The following GABBR2 variants were observed in gnomAD, a reference collection of about 807,000 sequenced individuals.
GABBR2 encodes the protein gamma-aminobutyric acid type B receptor subunit 2.
GABBR2 carries 23 observed loss-of-function variants against 105.6 expected under a neutral mutation model. The observed-to-expected ratio is 0.22, with a 90% CI of 0.16 to 0.31. The LOEUF is 0.31. Among genes scored for constraint, GABBR2 ranks in the 10% least tolerant of loss-of-function variants. GABBR2 has a pLI of 1.00. For missense variants in GABBR2, 734 were observed against 1,245.5 expected (o/e 0.59, Z 6.18); for synonymous variants, 478 against 499.7 (o/e 0.96, Z 0.58).
intron 1 of GABBR2, among the ~76,000 whole-genome samples, chr9:98,642,979 A>G (rs1388790657): frequency 2.6e-5 from 4 of 152,144 alleles, no homozygotes; most frequent in South Asian, 2.1e-4. Flanking sequence ...CATCATAAGC[A>G]TTCTTCCAGG....
At chr9:98,683,106 TC>T (rs1830570390) in intron 1 of GABBR2, among the ~76,000 whole-genome samples, 2 of 151,692 alleles carry the variant, frequency 1.3e-5, no homozygotes, top group South Asian at 2.1e-4. Flanking sequence ...CCCCTCCACC[TC>T]CCCCGAGACG....
At chr9:98,332,397 G>A (rs1215347520) in intron 13 of GABBR2, among the ~76,000 whole-genome samples, 1 of 152,168 alleles carries the variant, frequency 6.6e-6, no homozygotes, top group Non-Finnish European at 1.5e-5. Context: ...CCTTCTATGT[G>A]CCAGGCTCAG....
intron 11 of GABBR2, among the ~76,000 whole-genome samples, chr9:98,380,797 C>A (rs1423045669): frequency 6.6e-6 from 1 of 152,222 alleles, no homozygotes; most frequent in African/African-American, 2.4e-5. Context: ...CGCACTCACA[C>A]ACGCACCCAC....
At chr9:98,338,890 G>T (rs28564647) in intron 13 of GABBR2, among the ~76,000 whole-genome samples, 34,476 of 152,164 alleles carry the variant, frequency 0.23, 4,462 homozygotes, top group African/African-American at 0.33. Flanking sequence ...AAATATCTAT[G>T]AAATGTTGAA....
rs1050090762 is a variant in GABBR2 at position 98,303,549 on chromosome 9, G to A, written c.2230-126C>T. 15 of 810,662 alleles carry A rather than the reference G, an allele frequency of 1.9e-5. No individual in the cohort carries two copies. In the African/African-American group the frequency reaches 2.6e-4, roughly 14 times the overall value. 50.2% of individuals were successfully genotyped at this position (810,662 alleles called of 1,614,324 possible). ...ATAAGAGGCCCCAGGAAAGCCACAGGCTGGGAGTCAGGAGACCTAGGCTCA... is the reference window on the plus strand; with the variant it reads ...ATAAGAGGCCCCAGGAAAGCCACAGACTGGGAGTCAGGAGACCTAGGCTCA... On this transcript the variant is annotated intron_variant, in intron 15 of 18. Transcript: ENST00000259455.
intron 1 of GABBR2, among the ~76,000 whole-genome samples, chr9:98,631,363 T>C (rs897406732): frequency 3.9e-5 from 6 of 152,320 alleles, no homozygotes; most frequent in African/African-American, 1.4e-4. Flanking sequence ...AATAAAACTT[T>C]CTATCTTATT....
chr9:98,544,454 A>G (rs1828364586), intron 2 of GABBR2, among the ~76,000 whole-genome samples: 1 of 152,240 alleles, frequency 6.6e-6, no homozygotes, highest in Non-Finnish European at 1.5e-5. Context: ...GATCCAACAG[A>G]GAGACACCCC....
chr9:98,444,873 G>A (rs934766695), intron 7 of GABBR2, among the ~76,000 whole-genome samples: 3 of 97,924 alleles, frequency 3.1e-5, no homozygotes, highest in Admixed American at 1.0e-4. Flanking sequence ...GCACATGCGC[G>A]CGCGCGCACA....
chr9:98,536,258 T>A (rs768634559), intron 3 of GABBR2, among the ~76,000 whole-genome samples: 4 of 152,148 alleles, frequency 2.6e-5, no homozygotes, highest in Non-Finnish European at 5.9e-5. Context: ...TAAGCTCACA[T>A]CCTAGAATCC....
rs1431508126 is a variant in GABBR2 at position 98,708,523 on chromosome 9, C to T, written c.215G>A (p.Ser72Asn). Reference sequence around the variant, plus strand: ...GGCGGGGAGCACACCGCGCCCGATGCTGCCCTTGGCCACCTCCTTGGTGAG... The same window carrying T: ...GGCGGGGAGCACACCGCGCCCGATGTTGCCCTTGGCCACCTCCTTGGTGAG... ...MPLTKEVAKG[S>N]IGRGVLPAVE... Residue 72 changes from serine to asparagine, a missense_variant, in exon 1 of 19, where the codon AGC becomes AAC. Ser to Asn is a conservative substitution (Grantham distance 46). This residue lies in a region of GABBR2 where 370 missense variants were observed against 648.9 expected (regional missense o/e 0.57). Transcript: ENST00000259455. The T allele has an allele frequency of 6.3e-7, 1 of 1,598,092 alleles. No homozygotes were observed. The highest frequency in any genetic ancestry group is 8.5e-7 in the Non-Finnish European group (1 of 1,175,290).
intron 18 of GABBR2, among the ~76,000 whole-genome samples, chr9:98,290,969 T>G (rs1394261186): frequency 6.6e-6 from 1 of 152,124 alleles, no homozygotes; most frequent in African/African-American, 2.4e-5. Context: ...CAGGGAGACT[T>G]GAATAAACAA....
At chr9:98,657,541 G>T (rs968237861) in intron 1 of GABBR2, among the ~76,000 whole-genome samples, 1 of 152,188 alleles carries the variant, frequency 6.6e-6, no homozygotes, top group Admixed American at 6.5e-5. Flanking sequence ...AAGGGAATAT[G>T]AAAAACACGT....
chr9:98,700,024 C>T (rs553398241), intron 1 of GABBR2, among the ~76,000 whole-genome samples: 1 of 152,294 alleles, frequency 6.6e-6, no homozygotes, highest in East Asian at 1.9e-4. Context: ...GGAGGATGAC[C>T]AACCAGGTGC....
chr9:98,430,035 C>T (rs929695007), intron 7 of GABBR2, among the ~76,000 whole-genome samples: 1 of 152,062 alleles, frequency 6.6e-6, no homozygotes, highest in African/African-American at 2.4e-5. Flanking sequence ...GCCTGTAATC[C>T]CAGCCCTTTG....
chr9:98,381,749 T>C (rs1176356766), intron 11 of GABBR2, among the ~76,000 whole-genome samples: 1 of 152,208 alleles, frequency 6.6e-6, no homozygotes, highest in African/African-American at 2.4e-5. Flanking sequence ...TAATATCTTT[T>C]CGGGCCCTCA....
chr9:98,381,113 C>G (rs1176960276), intron 11 of GABBR2, among the ~76,000 whole-genome samples: 1 of 152,240 alleles, frequency 6.6e-6, no homozygotes, highest in Admixed American at 6.5e-5. Flanking sequence ...TGATGCCTAT[C>G]CCTCCTCCTA....
intron 1 of GABBR2, among the ~76,000 whole-genome samples, chr9:98,655,238 A>G (rs970622364): frequency 6.6e-6 from 1 of 152,182 alleles, no homozygotes; most frequent in East Asian, 1.9e-4. Flanking sequence ...GGGCGATAAG[A>G]AAGTATTGAA....
In GABBR2 at chr9:98,377,839, C is replaced by A. The variant is rs551385147; in HGVS notation, c.1663-6268G>T. Among the ~76,000 whole-genome samples the A allele has an allele frequency of 2.6e-5, 4 of 152,256 alleles. No individual in the cohort carries two copies. In the East Asian group the frequency reaches 5.8e-4, roughly 22 times the overall value. ...TACCCCATCCAGGACTCCAGTTGGC[C>A]CAATCAGGCCCTGTGACAGCCAGTC... On this transcript the variant is annotated intron_variant, in intron 11 of 18. Coordinates refer to ENST00000259455, the MANE Select transcript of GABBR2 (RefSeq NM_005458.8).
chr9:98,438,400 C>A (rs896778125), intron 7 of GABBR2, among the ~76,000 whole-genome samples: 2 of 151,968 alleles, frequency 1.3e-5, no homozygotes, highest in Non-Finnish European at 2.9e-5. Context: ...ATGTGTAAAA[C>A]CCTGAGGAGA....
Sources: gnomAD v4.1 joint callset for allele counts (sites outside exome capture counted in the v4.1 genomes callset) on GRCh38, gnomAD v4.1.1 for gene constraint, gnomAD v4.1.1 regional missense constraint, MANE v1.5 for transcripts, NCBI Gene and HGNC (gene_info 2026-07-23, HGNC 2026-07-21) for gene names.